Variants in HOOK3 observed in about 807,000 individuals in gnomAD.
HOOK3 encodes the protein protein Hook homolog 3.
HOOK3 carries 24 observed loss-of-function variants against 116.3 expected under a neutral mutation model. The observed-to-expected ratio is 0.21, with a 90% confidence interval of 0.15 to 0.29. The LOEUF is 0.29. HOOK3 is among the 10% of genes least tolerant of loss of function. HOOK3 has a pLI of 1.00. For missense variants in HOOK3, 632 were observed against 830.2 expected, an observed-to-expected ratio of 0.76 and a Z score of 2.93; for synonymous variants, 275 against 283.0, an observed-to-expected ratio of 0.97 and a Z score of 0.28.
chr8:42,919,441 C>T (rs1302957899), intron 2 of HOOK3, among the ~76,000 whole-genome samples: 5 of 147,634 alleles, frequency 3.4e-5, no homozygotes, highest in African/African-American at 5.0e-5. Context: ...TGGGCAGAGA[C>T]GCTCCTCACT....
intron 8 of HOOK3, among the ~76,000 whole-genome samples, chr8:42,962,796 CTTTTTTTTTTT>C (rs34722373): frequency 1.0e-4 from 10 of 99,348 alleles, no homozygotes; most frequent in African/African-American, 3.9e-4. Context: ...ACTTCTTCTT[CTTTTTTTTTTT>C]TTTTTTTTTT....
intron 15 of HOOK3, among the ~76,000 whole-genome samples, chr8:42,992,307 G>A (rs1294011041): frequency 6.6e-6 from 1 of 150,592 alleles, no homozygotes; most frequent in African/African-American, 2.5e-5. Context: ...GGCTGAGGCA[G>A]GAGAATTGCA....
chr8:42,959,186 G>T, intron 7 of HOOK3, 45 bp from the exon 8 acceptor site: 1 of 1,256,864 alleles, frequency 8.0e-7, no homozygotes, highest in South Asian at 1.2e-5. Flanking sequence ...ATTATTAATT[G>T]TTACCACTTC....
At chr8:42,951,924 C>T (rs1016705748) in intron 6 of HOOK3, among the ~76,000 whole-genome samples, 4 of 150,158 alleles carry the variant, frequency 2.7e-5, no homozygotes, top group South Asian at 2.1e-4. Context: ...GTGGCGACAG[C>T]GAGACTCCGT....
chr8:42,917,506 TG>T (rs1807555049), intron 2 of HOOK3, among the ~76,000 whole-genome samples: 1 of 152,204 alleles, frequency 6.6e-6, no homozygotes, highest in African/African-American at 2.4e-5. Flanking sequence ...GTATAAACTC[TG>T]GTATGGTTTA....
intron 1 of HOOK3, among the ~76,000 whole-genome samples, chr8:42,902,142 T>C (rs1807202521): frequency 1.3e-5 from 2 of 152,162 alleles, no homozygotes; most frequent in Non-Finnish European, 1.5e-5. Flanking sequence ...ATCATAGGAT[T>C]CCAAATGCCA....
At chr8:42,914,841 G>T (rs1807500351) in intron 2 of HOOK3, among the ~76,000 whole-genome samples, 1 of 152,146 alleles carries the variant, frequency 6.6e-6, no homozygotes, top group Non-Finnish European at 1.5e-5. Context: ...TCTCCACCGG[G>T]CGCCGTGGCT....
At chr8:42,967,354 T>G (rs1048338892) in intron 10 of HOOK3, among the ~76,000 whole-genome samples, 4 of 152,132 alleles carry the variant, frequency 2.6e-5, no homozygotes, top group African/African-American at 9.7e-5. Context: ...TGCTGAACTC[T>G]CCATGTCTTT....
In HOOK3 at chr8:43,022,919, G is replaced by A. The variant is rs1411402432; in HGVS notation, c.*4421G>A. The A allele has an allele frequency of 6.1e-6, 1 of 165,124 alleles. No homozygotes were observed. The highest frequency in any genetic ancestry group is 1.3e-5 in the Non-Finnish European group (1 of 75,428). 10.2% of individuals were successfully genotyped at this position (165,124 alleles called of 1,614,324 possible). A position where few individuals can be genotyped will look rare whatever the true frequency, so the allele number is the denominator to read the frequency against. ...AAATGTTATCCAGTCAGAAACATCA[G>A]CCTGTGGCCAGGTGCGGTGGCTCAC... On this transcript the variant is annotated 3_prime_UTR_variant, in exon 22 of 22. Transcript: ENST00000307602.
chr8:42,935,465 C>T (rs2130371831), intron 4 of HOOK3, among the ~76,000 whole-genome samples: 1 of 152,230 alleles, frequency 6.6e-6, no homozygotes, highest in African/African-American at 2.4e-5. Flanking sequence ...AGTCTTTGCC[C>T]ATGCCTGTGT....
chr8:42,940,328 G>A (rs187993154), intron 4 of HOOK3, among the ~76,000 whole-genome samples: 1,855 of 152,346 alleles, frequency 0.012, 36 homozygotes, highest in African/African-American at 0.034. Context: ...AAAAAAACAC[G>A]AAAACCAGTC....
chr8:43,010,432 A>C, intron 19 of HOOK3, 27 bp downstream of exon 19: 11 of 868,512 alleles, frequency 1.3e-5, no homozygotes, highest in South Asian at 1.9e-5. Context: ...TAGGCATCTC[A>C]CTCTACCTTC....
In HOOK3 at chr8:43,027,983, T is replaced by TATGGTGGTATACC. The variant is rs1563318595; in HGVS notation, c.*9486_*9487insTGGTGGTATACCA. ...AGACAACTCTGAGATTTTACCACCATACTTAGAGAAAGTTTTTCTGTTATA... is the reference window on the plus strand; with the variant it reads ...AGACAACTCTGAGATTTTACCACCATATGGTGGTATACCACTTAGAGAAAGTTTTTCTGTTATA... On this transcript the variant is annotated 3_prime_UTR_variant, in exon 22 of 22. Transcript: ENST00000307602. The TATGGTGGTATACC allele has an allele frequency of 5.2e-6, 1 of 193,114 alleles. No homozygotes were observed. The highest frequency in any genetic ancestry group is 1.1e-5 in the Non-Finnish European group (1 of 92,600). 12.0% of individuals were successfully genotyped at this position (193,114 alleles called of 1,614,324 possible).
intron 4 of HOOK3, among the ~76,000 whole-genome samples, chr8:42,930,722 C>T (rs1444716908): frequency 2.6e-5 from 4 of 152,138 alleles, no homozygotes; most frequent in Admixed American, 6.5e-5. Flanking sequence ...TGTTTATACC[C>T]GTAGCACTGA....
At chr8:42,912,147 AAG>A (rs1406110554) in intron 2 of HOOK3, among the ~76,000 whole-genome samples, 1 of 152,154 alleles carries the variant, frequency 6.6e-6, no homozygotes, top group Non-Finnish European at 1.5e-5. Flanking sequence ...GGGTGCCAAA[AAG>A]AGGATTTTAC....
intron 4 of HOOK3, among the ~76,000 whole-genome samples, chr8:42,941,828 A>G (rs2130383795): frequency 6.6e-6 from 1 of 151,922 alleles, no homozygotes; most frequent in Non-Finnish European, 1.5e-5. Flanking sequence ...TATCAAGTGC[A>G]CTCCTACCTG....
chr8:42,919,699 G>T (rs1446660574), intron 2 of HOOK3, among the ~76,000 whole-genome samples: 1 of 152,212 alleles, frequency 6.6e-6, no homozygotes, highest in African/African-American at 2.4e-5. Context: ...CCGGCACCTC[G>T]GGAGGCTGAG....
chr8:42,966,574 A>G lies in HOOK3; in HGVS notation c.881A>G (p.Asp294Gly). The change falls in exon 10 of 22, where the codon GAT becomes GGT. Residue 294 changes from aspartate to glycine, a missense_variant. Around this residue, in one of 3 missense-constraint regions of HOOK3, gnomAD observed 483 missense variants for 648.1 expected, o/e 0.75. Coordinates refer to ENST00000307602, the MANE Select transcript of HOOK3 (RefSeq NM_032410.4). Reference protein sequence around the residue: ...QQNDELTTLADEAQSLKDEID... With the variant: ...QQNDELTTLAGEAQSLKDEID... ...AATGATGAACTGACCACTTTGGCAG[A>G]TGAAGCTCAGTCTCTGAAAGATGAG... is the stretch of plus-strand genomic sequence containing the variant. The G allele has an allele frequency of 6.2e-7, 1 of 1,614,190 alleles. No individual in the cohort carries two copies. The highest frequency in any genetic ancestry group is 8.5e-7 in the Non-Finnish European group (1 of 1,180,026).
At chr8:42,959,718 GA>G (rs529721762) in intron 8 of HOOK3, among the ~76,000 whole-genome samples, 3,482 of 28,972 alleles carry the variant, frequency 0.12, 31 homozygotes, top group African/African-American at 0.19. Flanking sequence ...GACTACATCT[GA>G]AAAAAAAAAA....
Sources: gnomAD v4.1 joint callset for allele counts (sites outside exome capture counted in the v4.1 genomes callset) on GRCh38, gnomAD v4.1.1 for gene constraint, gnomAD v4.1.1 regional missense constraint, MANE v1.5 for transcripts, NCBI Gene and HGNC (gene_info 2026-07-23, HGNC 2026-07-21) for gene names.